MEIS2: variants seen among roughly 807,000 people sequenced by gnomAD.
MEIS2 encodes Meis homeobox 2, also known as homeobox protein Meis2.
In MEIS2, 9 loss-of-function variants were observed where a neutral mutation model predicts 58.6. That is an observed-to-expected ratio of 0.15 (90% confidence interval 0.09 to 0.27). The LOEUF (loss-of-function observed/expected upper bound fraction) is 0.27. MEIS2 is among the 10% of genes least tolerant of loss of function. The probability of loss-of-function intolerance (pLI) is 1.00; values close to 1 mark genes in which losing one functional copy is unlikely to be tolerated. For missense variants in MEIS2, 427 were observed against 635.0 expected (o/e 0.67, Z 3.52); for synonymous variants, 221 against 228.4 (o/e 0.97, Z 0.29).
intron 8 of MEIS2, among the ~76,000 whole-genome samples, chr15:36,958,802 G>A (rs993650133): frequency 1.3e-5 from 2 of 152,100 alleles, no homozygotes; most frequent in African/African-American, 4.8e-5. Context: ...CTTACTAAAT[G>A]AGCCAAAAGC....
At chr15:36,987,547 A>T (rs2060133885) in intron 8 of MEIS2, among the ~76,000 whole-genome samples, 1 of 152,154 alleles carries the variant, frequency 6.6e-6, no homozygotes, top group South Asian at 2.1e-4. Context: ...ATCAGGTTGG[A>T]GTTCTTAAGA....
intron 6 of MEIS2, among the ~76,000 whole-genome samples, chr15:37,093,037 C>T (rs1447483976): frequency 1.3e-5 from 2 of 152,122 alleles, no homozygotes; most frequent in Non-Finnish European, 2.9e-5. Context: ...CAATAAGTTT[C>T]TATAGCAAAA....
intron 8 of MEIS2, among the ~76,000 whole-genome samples, chr15:37,005,939 C>T (rs751091347): frequency 4.6e-5 from 7 of 152,142 alleles, no homozygotes; most frequent in African/African-American, 9.7e-5. Flanking sequence ...GTTATTTCTA[C>T]GTATGTAAGT....
chr15:37,004,661 T>C (rs969495471), intron 8 of MEIS2, among the ~76,000 whole-genome samples: 7 of 152,174 alleles, frequency 4.6e-5, no homozygotes, highest in African/African-American at 1.7e-4. Flanking sequence ...CGCAGACTGA[T>C]AGTACCCATG....
At chr15:36,960,505 AAC>A in intron 8 of MEIS2, among the ~76,000 whole-genome samples, 1 of 152,084 alleles carries the variant, frequency 6.6e-6, no homozygotes, top group East Asian at 1.9e-4. Flanking sequence ...AGGGCTAGGA[AAC>A]ACAACCCCTT....
chr15:37,010,742 T>G (rs2061121010), intron 8 of MEIS2, among the ~76,000 whole-genome samples: 1 of 152,254 alleles, frequency 6.6e-6, no homozygotes, highest in African/African-American at 2.4e-5. Context: ...CTGTTTAAAA[T>G]GAATTTTAAA....
At chr15:36,959,109 G>T (rs2059094450) in intron 8 of MEIS2, among the ~76,000 whole-genome samples, 1 of 152,170 alleles carries the variant, frequency 6.6e-6, no homozygotes, top group Non-Finnish European at 1.5e-5. Flanking sequence ...AACTGAGGTT[G>T]ACGGAGGCAA....
chr15:37,082,754 T>C (rs768525427), intron 7 of MEIS2, among the ~76,000 whole-genome samples: 6 of 152,168 alleles, frequency 3.9e-5, no homozygotes, highest in Non-Finnish European at 8.8e-5. Flanking sequence ...AGGACATTTT[T>C]CTAGACTCTT....
At chr15:36,999,136 GCT>G (rs2060634898) in intron 8 of MEIS2, among the ~76,000 whole-genome samples, 1 of 152,140 alleles carries the variant, frequency 6.6e-6, no homozygotes, top group Non-Finnish European at 1.5e-5. Flanking sequence ...ATCTCTTTGT[GCT>G]GTCTTTCATT....
Position 36,892,115 on chromosome 15 carries a change from T to C in MEIS2, c.*58A>G. 1.3e-6 allele frequency: 2 copies of C among 1,566,674 alleles called. No homozygotes were observed. Among genetic ancestry groups the C allele is most frequent in the Non-Finnish European group, 1.8e-6 (2 of 1,141,552 alleles). On this transcript the variant is annotated 3_prime_UTR_variant, in exon 12 of 12. Coordinates refer to ENST00000561208, the MANE Select transcript of MEIS2 (RefSeq NM_170675.5). ...TTAAGTGTCAACATCTGGTCAAAGT[T>C]CAGAAAGTCTTAAAATAGTTTTTGC...
intron 9 of MEIS2, among the ~76,000 whole-genome samples, chr15:36,948,632 T>C (rs1316365770): frequency 6.6e-6 from 1 of 152,004 alleles, no homozygotes; most frequent in Non-Finnish European, 1.5e-5. Context: ...AATGTGTATA[T>C]ATTAGCTCAG....
intron 7 of MEIS2, among the ~76,000 whole-genome samples, chr15:37,078,160 G>T (rs1391651178): frequency 6.6e-6 from 1 of 151,888 alleles, no homozygotes; most frequent in Non-Finnish European, 1.5e-5. Flanking sequence ...GCATTGAACG[G>T]CTGACTCGTA....
intron 9 of MEIS2, among the ~76,000 whole-genome samples, chr15:36,915,557 C>T (rs2057239567): frequency 6.6e-6 from 1 of 152,134 alleles, no homozygotes; most frequent in African/African-American, 2.4e-5. Context: ...GTCACAGTTG[C>T]CTTGCCCTGC....
intron 6 of MEIS2, among the ~76,000 whole-genome samples, chr15:37,092,402 G>C (rs549715062): frequency 6.6e-6 from 1 of 152,268 alleles, no homozygotes; most frequent in South Asian, 2.1e-4. Context: ...TCAGGAATTG[G>C]GATGGGAGGT....
Position 37,036,909 on chromosome 15 carries a change from C to A in MEIS2, c.805G>T (p.Asp269Tyr). 2 of 1,613,888 alleles carry A rather than the reference C, an allele frequency of 1.2e-6. No homozygotes were observed. The highest frequency in any genetic ancestry group is 1.7e-6 in the Non-Finnish European group (2 of 1,179,950). ...VASPGTGDDDDPDKDKKRQKK... is the reference protein window; with the variant it reads ...VASPGTGDDDYPDKDKKRQKK... ...TGGCGTTTTTTGTCCTTATCCGGAT[C>A]ATCATCGTCACCTGTACCAGGTGAA... The change falls in exon 8 of 12, where the codon GAT becomes TAT. Residue 269 changes from aspartate to tyrosine, a missense_variant. Physicochemically the swap from Asp to Tyr is radical, Grantham distance 160. Coordinates refer to ENST00000561208, the MANE Select transcript of MEIS2 (RefSeq NM_170675.5).
intron 8 of MEIS2, among the ~76,000 whole-genome samples, chr15:36,979,994 A>G (rs2059880733): frequency 6.6e-6 from 1 of 151,412 alleles, no homozygotes; most frequent in African/African-American, 2.4e-5. Flanking sequence ...TCCATTTGTC[A>G]TTTTATACTC....
intron 8 of MEIS2, among the ~76,000 whole-genome samples, chr15:36,976,843 G>A (rs908083187): frequency 1.3e-5 from 2 of 152,164 alleles, no homozygotes; most frequent in Non-Finnish European, 2.9e-5. Context: ...TCAAATAGGG[G>A]CCAGGCGCAG....
chr15:37,059,706 G>A (rs1888928839), intron 7 of MEIS2, among the ~76,000 whole-genome samples: 2 of 151,938 alleles, frequency 1.3e-5, no homozygotes, highest in South Asian at 4.2e-4. Context: ...GAAGGCTGAG[G>A]TGGGTGAATC....
At chr15:37,101,301 G>GGC (rs1377589617), upstream of MEIS2, 4 of 106,990 alleles carry the variant, frequency 3.7e-5, no homozygotes, top group African/African-American at 1.2e-4. Flanking sequence ...TGTAGCCAAA[G>GGC]GCGTGTGTGT....
Sources: gnomAD v4.1 joint callset for allele counts (sites outside exome capture counted in the v4.1 genomes callset) on GRCh38, gnomAD v4.1.1 for gene constraint, MANE v1.5 for transcripts, NCBI Gene and HGNC (gene_info 2026-07-23, HGNC 2026-07-21) for gene names.